Variants in LRP5 observed in about 807,000 individuals in gnomAD.
LRP5 encodes LDL receptor related protein 5.
A neutral mutation model predicts 154.1 loss-of-function variants in LRP5; 62 were observed. The observed-to-expected ratio is 0.40, with a 90% CI of 0.33 to 0.50. The LOEUF (loss-of-function observed/expected upper bound fraction) is 0.50, where lower values mean the gene tolerates loss of function less well. Ranked by LOEUF, LRP5 falls within the 20% of genes least tolerant of loss-of-function variation. The pLI is 0.55. For missense variants in LRP5, 1,915 were observed against 2,336.7 expected (o/e 0.82, Z 3.72); for synonymous variants, 966 against 1,011.5 (o/e 0.96, Z 0.85).
At chr11:68,305,063 C>T in the LRP5 span, among the ~76,000 whole-genome samples, 1 of 151,674 alleles carries the variant, frequency 6.6e-6, no homozygotes, top group Non-Finnish European at 1.5e-5. Flanking sequence ...TCTGGGGGGC[C>T]AGGGGTGGAA....
At chr11:68,368,676 T>G (rs1418964135) in intron 5 of LRP5, among the ~76,000 whole-genome samples, 1 of 152,146 alleles carries the variant, frequency 6.6e-6, no homozygotes, top group Admixed American at 6.5e-5. Context: ...TTATCTTCTG[T>G]TTTTTTGTTC....
At chr11:68,368,488 T>A (rs902790497) in intron 5 of LRP5, among the ~76,000 whole-genome samples, 18 of 152,224 alleles carry the variant, frequency 1.2e-4, no homozygotes, top group Admixed American at 1.0e-3. Flanking sequence ...TGTGTAGTCA[T>A]ATGAGGTGAG....
At chr11:68,332,406 C>G (rs2098603379) in intron 1 of LRP5, among the ~76,000 whole-genome samples, 1 of 152,182 alleles carries the variant, frequency 6.6e-6, no homozygotes. Context: ...CTGCAGGCAG[C>G]CCTGCTCTGC....
the LRP5 span, among the ~76,000 whole-genome samples, chr11:68,301,293 C>T: frequency 6.7e-6 from 1 of 149,054 alleles, no homozygotes; most frequent in Non-Finnish European, 1.5e-5. Flanking sequence ...GTTTTGCTAC[C>T]TTTGCCAGAA....
rs369918326 is a variant in LRP5, at chr11:68,402,819, G to C, written c.1585-664G>C. ...GCTGCCTGTCAGCCTGCAGTGGTTC[G>C]GGAGAGGACACCTGCTTGCCTGGTC... is the stretch of plus-strand genomic sequence containing the variant. On this transcript the variant is annotated intron_variant, in intron 7 of 22. Coordinates refer to ENST00000294304, the MANE Select transcript of LRP5 (RefSeq NM_002335.4). Among the ~76,000 whole-genome samples, 31 of 152,320 alleles carry C rather than the reference G, an allele frequency of 2.0e-4. No homozygotes were observed. The South Asian group carries it at 6.2e-3, about 31-fold the overall frequency.
At chr11:68,382,611 G>A (rs2098640863) in intron 5 of LRP5, among the ~76,000 whole-genome samples, 1 of 152,130 alleles carries the variant, frequency 6.6e-6, no homozygotes, top group Non-Finnish European at 1.5e-5. Flanking sequence ...GCGGGTCCAG[G>A]GCCTGGCCTG....
Position 68,436,893 on chromosome 11 carries a change from C to T in LRP5, c.4005C>T (p.Ile1335=). The T allele has an allele frequency of 6.2e-7, 1 of 1,613,038 alleles. No homozygotes were observed. Among genetic ancestry groups the T allele is most frequent in the Non-Finnish European group, 8.5e-7 (1 of 1,179,334 alleles). The change falls in exon 19 of 23, where the codon ATC becomes ATT. Residue 1335 remains isoleucine, a synonymous_variant. Coordinates refer to ENST00000294304, the MANE Select transcript of LRP5 (RefSeq NM_002335.4). ...GTGCATGGCCTCTCCTTGCAGCCAT[C>T]TGCCTGCCCAACCAGTTCCGGTGTG... ...DRSDEADCDA[I]CLPNQFRCAS...
intron 7 of LRP5, among the ~76,000 whole-genome samples, chr11:68,393,584 G>A (rs371785764): frequency 2.6e-5 from 4 of 151,918 alleles, no homozygotes; most frequent in South Asian, 2.1e-4. Context: ...AGTTCGAGAC[G>A]AGCCTGGCCA....
intron 1 of LRP5, among the ~76,000 whole-genome samples, chr11:68,324,391 C>T (rs1276052869): frequency 6.6e-6 from 1 of 152,232 alleles, no homozygotes; most frequent in African/African-American, 2.4e-5. Flanking sequence ...CCCAGCTGGG[C>T]TCTGCCCTGT....
intron 10 of LRP5, 24 bp downstream of exon 10, chr11:68,410,164 G>A (rs759748240): frequency 5.0e-6 from 8 of 1,594,960 alleles, no homozygotes; most frequent in South Asian, 3.3e-5. Flanking sequence ...TGTCCCGTGC[G>A]TCCTTGTGTT....
intron 5 of LRP5, among the ~76,000 whole-genome samples, chr11:68,372,502 C>CCGTGGCGGCGAGGAGGTGCCGTG (rs1565353676): frequency 6.6e-6 from 1 of 151,896 alleles, no homozygotes; most frequent in African/African-American, 2.4e-5. Flanking sequence ...AGACCGGGGA[C>CCGTGGCGGCGAGGAGGTGCCGTG]TTGGAGCACC....
chr11:68,302,443 G>C, the LRP5 span, among the ~76,000 whole-genome samples: 2 of 152,042 alleles, frequency 1.3e-5, no homozygotes, highest in African/African-American at 4.8e-5. Context: ...CTTGCGGGGA[G>C]GGGGCCTGCA....
Position 68,448,799 on chromosome 11 carries a change from T to C in LRP5, c.4587-10T>C. ...ACCGAATCCCACTCCTCTGTGTGTG[T>C]CCCTTTCAGGCCCTACATCATTCGA... On this transcript the variant is annotated splice_polypyrimidine_tract_variant and intron_variant, in intron 22 of 22. Coordinates refer to ENST00000294304, the MANE Select transcript of LRP5 (RefSeq NM_002335.4). 3 of 1,603,190 alleles carry C rather than the reference T, an allele frequency of 1.9e-6. No individual in the cohort carries two copies. Among genetic ancestry groups the C allele is most frequent in the Non-Finnish European group, 2.5e-6 (3 of 1,179,940 alleles).
At chr11:68,382,670 G>A (rs114216358) in intron 5 of LRP5, among the ~76,000 whole-genome samples, 3,164 of 152,162 alleles carry the variant, frequency 0.021, 113 homozygotes, top group African/African-American at 0.073. Flanking sequence ...GCAGCCAGGC[G>A]GCAAGTGAAA....
intron 13 of LRP5, among the ~76,000 whole-genome samples, chr11:68,422,581 G>A (rs548970949): frequency 6.6e-6 from 1 of 152,298 alleles, no homozygotes; most frequent in South Asian, 2.1e-4. Flanking sequence ...GCTCATCCCT[G>A]AGATGCACAG....
Position 68,340,687 on chromosome 11 carries a change from C to T in LRP5, c.92-7160C>T, listed in dbSNP as rs1049122604. Among the ~76,000 whole-genome samples the T allele has an allele frequency of 1.6e-4, 24 of 152,136 alleles. 1 individual carries two copies. Among genetic ancestry groups the T allele is most frequent in the Admixed American group, 1.4e-3 (21 of 15,290 alleles). The stretch of plus-strand genomic sequence containing the variant: ...ACTCTCAGCTGGAGAGCTGACCTGG[C>T]CCTTTTGCCTTTGTGATGTACGGTC... On this transcript the variant is annotated intron_variant, in intron 1 of 22. Coordinates refer to ENST00000294304, the MANE Select transcript of LRP5 (RefSeq NM_002335.4).
intron 1 of LRP5, among the ~76,000 whole-genome samples, chr11:68,340,204 T>C (rs143183828): frequency 1.3e-5 from 2 of 152,222 alleles, no homozygotes; most frequent in African/African-American, 2.4e-5. Flanking sequence ...TGCGCCATCA[T>C]ACTCCAGCCT....
At chr11:68,314,629 A>C (rs552736354) in intron 1 of LRP5, among the ~76,000 whole-genome samples, 1 of 152,330 alleles carries the variant, frequency 6.6e-6, no homozygotes, top group South Asian at 2.1e-4. Flanking sequence ...CCCAGTGCTG[A>C]GAACTTCCCC....
At chr11:68,414,651 C>T (rs934245423) in intron 12 of LRP5, among the ~76,000 whole-genome samples, 1 of 152,200 alleles carries the variant, frequency 6.6e-6, no homozygotes, top group African/African-American at 2.4e-5. Flanking sequence ...GCGGGCTCTT[C>T]CCCCATGACA....
Sources: allele counts gnomAD v4.1 joint callset (sites outside exome capture counted in the v4.1 genomes callset), GRCh38; gene constraint gnomAD v4.1.1; transcripts MANE v1.5; gene names NCBI Gene and HGNC (gene_info 2026-07-23, HGNC 2026-07-21).